The following MCHR2 variants were observed in gnomAD, a reference collection of about 807,000 sequenced individuals.
MCHR2 encodes melanin-concentrating hormone receptor 2.
MCHR2 carries 15 observed loss-of-function variants against 24.8 expected under a neutral mutation model. That is an observed-to-expected ratio of 0.60 (90% CI 0.40 to 0.93). The LOEUF (loss-of-function observed/expected upper bound fraction) is 0.93, where lower values mean the gene tolerates loss of function less well. Ranked by LOEUF, MCHR2 falls within the 40% of genes least tolerant of loss-of-function variation. MCHR2 has a pLI of 0.00. For synonymous variants in MCHR2, 151 were observed against 147.6 expected (o/e 1.02, Z -0.17); for missense variants, 386 against 408.7 (o/e 0.94, Z 0.48).
rs921404395 is a variant in MCHR2, at chr6:99,918,846, C to T, written c.*2094G>A. On this transcript the variant is annotated 3_prime_UTR_variant, in exon 6 of 6. Transcript: ENST00000281806. ...ATGCTAAATAAAGCTCCTTACAACT[C>T]TTAGTAAATATAATTTAAAATAATT... 6.6e-6 allele frequency among the ~76,000 whole-genome samples: 1 copy of T among 152,040 alleles called. No homozygotes were observed. The highest frequency in any genetic ancestry group is 1.5e-5 in the Non-Finnish European group (1 of 68,010).
At chr6:99,962,800 A>C (rs1231432551) in intron 1 of MCHR2, among the ~76,000 whole-genome samples, 1 of 152,120 alleles carries the variant, frequency 6.6e-6, no homozygotes, top group Admixed American at 6.6e-5. Context: ...CAGAGTCTAA[A>C]TACATCCTAC....
chr6:99,959,326 C>T (rs1775133536), intron 1 of MCHR2, among the ~76,000 whole-genome samples: 1 of 151,902 alleles, frequency 6.6e-6, no homozygotes, highest in Non-Finnish European at 1.5e-5. Context: ...GGAGTCATGT[C>T]CACAGAAAAT....
chr6:99,945,401 C>A (rs1774856500), intron 3 of MCHR2, among the ~76,000 whole-genome samples: 1 of 152,110 alleles, frequency 6.6e-6, no homozygotes, highest in South Asian at 2.1e-4. Context: ...TGAAGGCAAA[C>A]ATTTTTAATA....
chr6:99,919,874 C>G lies in MCHR2; in HGVS notation c.*1066G>C, dbSNP rs949814733. On this transcript the variant is annotated 3_prime_UTR_variant, in exon 6 of 6. Coordinates refer to ENST00000281806, the MANE Select transcript of MCHR2 (RefSeq NM_001040179.2). ...TCCTGAGTAGCTGGGACTACAGGCACACACCACCATGCTCGGCTAATCTTT... is the reference window on the plus strand; with the variant it reads ...TCCTGAGTAGCTGGGACTACAGGCAGACACCACCATGCTCGGCTAATCTTT... The G allele has an allele frequency of 2.0e-5, 3 of 152,014 alleles. No individual in the cohort carries two copies. The highest frequency in any genetic ancestry group is 4.4e-5 in the Non-Finnish European group (3 of 68,082). The allele number at this position is 152,014 out of a possible 1,614,324, so 9.4% of individuals were successfully genotyped here. A position where few individuals can be genotyped will look rare whatever the true frequency, so the allele number is the denominator to read the frequency against.
At chr6:99,944,057 G>A (rs1232662928) in intron 3 of MCHR2, among the ~76,000 whole-genome samples, 7 of 152,120 alleles carry the variant, frequency 4.6e-5, no homozygotes, top group Non-Finnish European at 8.8e-5. Context: ...GTCACAGTGA[G>A]GATTAACAAG....
chr6:99,990,068 A>T (rs1001524276), intron 1 of MCHR2, among the ~76,000 whole-genome samples: 3 of 152,064 alleles, frequency 2.0e-5, no homozygotes, highest in Non-Finnish European at 4.4e-5. Flanking sequence ...ACAAAAAAAA[A>T]ACTAAATTCC....
chr6:99,969,504 T>G (rs1460405132), intron 1 of MCHR2, among the ~76,000 whole-genome samples: 1 of 145,336 alleles, frequency 6.9e-6, no homozygotes, highest in Admixed American at 6.9e-5. Flanking sequence ...AAAAGAAAAC[T>G]CAAGAGAAGG....
intron 1 of MCHR2, among the ~76,000 whole-genome samples, chr6:99,967,570 A>G (rs1320996774): frequency 6.6e-6 from 1 of 152,198 alleles, no homozygotes; most frequent in Non-Finnish European, 1.5e-5. Context: ...GTGAAATGGT[A>G]AGCCAGCTTT....
intron 5 of MCHR2, among the ~76,000 whole-genome samples, chr6:99,924,920 G>T (rs1280443685): frequency 6.6e-6 from 1 of 151,990 alleles, no homozygotes; most frequent in East Asian, 1.9e-4. Context: ...GATCCATTTG[G>T]TCTACAGTGC....
At chr6:99,979,975 T>A (rs899136006) in intron 1 of MCHR2, among the ~76,000 whole-genome samples, 5 of 152,188 alleles carry the variant, frequency 3.3e-5, no homozygotes. Flanking sequence ...ATCTACAAGA[T>A]TTTGTTTGGT....
Position 99,956,188 on chromosome 6 carries a change from G to T in MCHR2, c.-27-14C>A. ...CAGGGATTAAAGCTGTGAAGTAATA[G>T]GAAGTGATTTATTTAGTGAACATTC... On this transcript the variant is annotated splice_polypyrimidine_tract_variant and intron_variant, in intron 1 of 5. Transcript: ENST00000281806. 1 of 1,513,514 alleles carries T rather than the reference G, an allele frequency of 6.6e-7. No homozygotes were observed. Among genetic ancestry groups the T allele is most frequent in the Non-Finnish European group, 9.0e-7 (1 of 1,113,900 alleles). The allele number at this position is 1,513,514 out of a possible 1,614,324, so 93.8% of individuals were successfully genotyped here.
chr6:99,959,561 T>C (rs1775137039), intron 1 of MCHR2, among the ~76,000 whole-genome samples: 1 of 138,750 alleles, frequency 7.2e-6, no homozygotes, highest in Non-Finnish European at 1.6e-5. Context: ...ACTAATTACC[T>C]GACAAATAAT....
At chr6:99,968,725 T>C (rs1399951423) in intron 1 of MCHR2, among the ~76,000 whole-genome samples, 1 of 152,106 alleles carries the variant, frequency 6.6e-6, no homozygotes, top group Admixed American at 6.6e-5. Context: ...AGATAGACCA[T>C]ATCCTTGTTA....
At chr6:99,979,438 C>CA (rs1309944407) in intron 1 of MCHR2, among the ~76,000 whole-genome samples, 2 of 152,154 alleles carry the variant, frequency 1.3e-5, no homozygotes, top group Non-Finnish European at 2.9e-5. Context: ...GGCTACTGAG[C>CA]ACTTGCAATG....
chr6:99,940,191 G>A (rs1044745749), intron 4 of MCHR2, among the ~76,000 whole-genome samples: 1 of 151,772 alleles, frequency 6.6e-6, no homozygotes, highest in Non-Finnish European at 1.5e-5. Flanking sequence ...CCTTGCGCTT[G>A]CTCAACTCCC....
chr6:99,980,536 T>C (rs1285211250), intron 1 of MCHR2, among the ~76,000 whole-genome samples: 1 of 127,878 alleles, frequency 7.8e-6, no homozygotes, highest in African/African-American at 3.0e-5. Flanking sequence ...AGAAACTTCA[T>C]GTGAAAGCAT....
At chr6:99,947,280 C>G in intron 3 of MCHR2, among the ~76,000 whole-genome samples, 1 of 152,118 alleles carries the variant, frequency 6.6e-6, no homozygotes, top group East Asian at 1.9e-4. Context: ...CCACTGATTC[C>G]TTAGAGCTAT....
At chr6:99,936,521 C>T (rs72936183) in intron 4 of MCHR2, among the ~76,000 whole-genome samples, 1,563 of 151,828 alleles carry the variant, frequency 0.01, 6 homozygotes, top group Non-Finnish European at 0.017. Flanking sequence ...GGATTTATAT[C>T]GGGCACTCTA....
chr6:99,934,951 G>A (rs971158649), intron 4 of MCHR2, among the ~76,000 whole-genome samples: 3 of 152,020 alleles, frequency 2.0e-5, no homozygotes, highest in Non-Finnish European at 4.4e-5. Context: ...GCACAGAGGG[G>A]TCAAGTGGCT....
Sources: allele counts gnomAD v4.1 joint callset (sites outside exome capture counted in the v4.1 genomes callset), GRCh38; gene constraint gnomAD v4.1.1; transcripts MANE v1.5; gene names NCBI Gene and HGNC (gene_info 2026-07-23, HGNC 2026-07-21).